Variants in LRP1B observed in about 807,000 individuals in gnomAD.
LRP1B encodes LDL receptor related protein 1B, also known as low-density lipoprotein receptor-related protein 1B.
In LRP1B, 217 loss-of-function variants were observed where a neutral mutation model predicts 556.6. The observed-to-expected ratio is 0.39, with a 90% CI of 0.35 to 0.44. The LOEUF (loss-of-function observed/expected upper bound fraction) is 0.44. Among genes scored for constraint, LRP1B ranks in the 20% least tolerant of loss-of-function variants. The pLI is 1.00. For missense variants in LRP1B, 5,053 were observed against 5,620.8 expected (o/e 0.90, Z 3.23); for synonymous variants, 2,047 against 1,865.8 (o/e 1.10, Z -2.50).
intron 41 of LRP1B, among the ~76,000 whole-genome samples, chr2:140,652,096 T>A (rs925452607): frequency 1.3e-5 from 2 of 152,020 alleles, no homozygotes; most frequent in African/African-American, 4.8e-5. Context: ...GGAAAAATGT[T>A]TTTAAAAAAG....
intron 2 of LRP1B, among the ~76,000 whole-genome samples, chr2:141,544,393 CCTCCTCCTCCTCCTCCTCCTT>C (rs879071566): frequency 0.014 from 577 of 41,398 alleles, 40 homozygotes; most frequent in Middle Eastern, 0.018. Flanking sequence ...TCCTCCTCCT[CCTCCTCCTCCTCCTCCTCCTT>C]CTCCTCCTTC....
chr2:141,041,807 A>G (rs1219432177), intron 11 of LRP1B, among the ~76,000 whole-genome samples: 2 of 90,926 alleles, frequency 2.2e-5, no homozygotes, highest in African/African-American at 7.9e-5. Context: ...TTTGATCATT[A>G]CATGTTATAT....
chr2:141,719,825 C>A (rs1692751358), intron 2 of LRP1B, among the ~76,000 whole-genome samples: 1 of 151,980 alleles, frequency 6.6e-6, no homozygotes, highest in South Asian at 2.1e-4. Context: ...TTCACTTATG[C>A]AAAGAGGGTA....
intron 3 of LRP1B, among the ~76,000 whole-genome samples, chr2:141,444,506 G>A (rs1268834680): frequency 1.3e-5 from 2 of 152,130 alleles, no homozygotes; most frequent in African/African-American, 4.8e-5. Context: ...TCTTGTGCTG[G>A]TTTTTAAAGG....
chr2:140,363,513 T>C (rs1348933707), intron 72 of LRP1B, among the ~76,000 whole-genome samples: 1 of 151,614 alleles, frequency 6.6e-6, no homozygotes, highest in Non-Finnish European at 1.5e-5. Flanking sequence ...TGGATTGATG[T>C]TGGTAGATAA....
intron 2 of LRP1B, among the ~76,000 whole-genome samples, chr2:141,594,394 G>A (rs1431262468): frequency 1.3e-5 from 2 of 151,984 alleles, no homozygotes; most frequent in Non-Finnish European, 2.9e-5. Context: ...TAATCTGCTT[G>A]GTAAATCAAA....
intron 7 of LRP1B, among the ~76,000 whole-genome samples, chr2:141,133,286 G>GTC (rs1238748308): frequency 4.1e-4 from 28 of 67,740 alleles, no homozygotes; most frequent in East Asian, 2.6e-3. Context: ...TACCTGTAAC[G>GTC]TCTCTTTTTT....
intron 67 of LRP1B, among the ~76,000 whole-genome samples, chr2:140,384,077 C>T (rs966098078): frequency 3.2e-4 from 49 of 152,252 alleles, no homozygotes; most frequent in African/African-American, 1.2e-3. Flanking sequence ...TCCTTCTTCT[C>T]CTGCTTTTCC....
chr2:142,090,619 A>G (rs1331414629), intron 1 of LRP1B, among the ~76,000 whole-genome samples: 1 of 152,128 alleles, frequency 6.6e-6, no homozygotes, highest in Non-Finnish European at 1.5e-5. Flanking sequence ...TTTTGAACTA[A>G]GTGTGTGAAT....
chr2:141,108,612 A>G (rs1406050839), intron 7 of LRP1B, among the ~76,000 whole-genome samples: 1 of 152,008 alleles, frequency 6.6e-6, no homozygotes, highest in Non-Finnish European at 1.5e-5. Flanking sequence ...AGCCTCCCAA[A>G]GTGCTGGGAT....
chr2:140,678,791 G>A (rs551856059), intron 41 of LRP1B, among the ~76,000 whole-genome samples: 1 of 123,204 alleles, frequency 8.1e-6, no homozygotes, highest in Non-Finnish European at 1.7e-5. Flanking sequence ...TTTTTTGGTT[G>A]GGGGGGAATG....
chr2:140,329,339 C>A (rs1035289279), intron 79 of LRP1B, among the ~76,000 whole-genome samples: 3 of 152,066 alleles, frequency 2.0e-5, no homozygotes, highest in Non-Finnish European at 2.9e-5. Context: ...CTGGCACAGA[C>A]AAAGATGCCC....
At chr2:141,647,434 A>G (rs1291414113) in intron 2 of LRP1B, among the ~76,000 whole-genome samples, 10 of 152,128 alleles carry the variant, frequency 6.6e-5, no homozygotes, top group Admixed American at 2.6e-4. Flanking sequence ...CCACAGTTTA[A>G]GGGCTTCCTT....
At chr2:140,322,913 A>AAAAAG (rs1680229060) in intron 81 of LRP1B, among the ~76,000 whole-genome samples, 1 of 113,218 alleles carries the variant, frequency 8.8e-6, no homozygotes, top group African/African-American at 3.7e-5. Context: ...TATGAATATA[A>AAAAAG]AAAAGAACTG....
intron 7 of LRP1B, among the ~76,000 whole-genome samples, chr2:141,096,283 C>T (rs192936335): frequency 6.6e-6 from 1 of 152,120 alleles, no homozygotes; most frequent in African/African-American, 2.4e-5. Flanking sequence ...CTTTCAAAAA[C>T]CTTTTATTAA....
chr2:140,411,547 G>C (rs1013355374), intron 66 of LRP1B, among the ~76,000 whole-genome samples: 30 of 151,988 alleles, frequency 2.0e-4, no homozygotes, highest in African/African-American at 7.0e-4. Flanking sequence ...TTAAGATTTA[G>C]AAATAGCCAC....
intron 3 of LRP1B, among the ~76,000 whole-genome samples, chr2:141,390,371 G>A (rs1373293640): frequency 6.6e-6 from 1 of 152,120 alleles, no homozygotes; most frequent in Non-Finnish European, 1.5e-5. Context: ...GTTTCACCTG[G>A]AGTAAAAAAC....
chr2:140,917,015 C>T (rs1320302044), intron 21 of LRP1B, among the ~76,000 whole-genome samples: 2 of 152,114 alleles, frequency 1.3e-5, no homozygotes, highest in African/African-American at 2.4e-5. Flanking sequence ...ACCTAAGTGT[C>T]CTATTCTGGC....
At chr2:140,886,987 G>A (rs1486809447) in intron 23 of LRP1B, among the ~76,000 whole-genome samples, 1 of 152,064 alleles carries the variant, frequency 6.6e-6, no homozygotes, top group Non-Finnish European at 1.5e-5. Context: ...ATTATTTTTT[G>A]TGCTTAAAAG....
Sources: gnomAD v4.1 joint callset for allele counts (sites outside exome capture counted in the v4.1 genomes callset) on GRCh38, gnomAD v4.1.1 for gene constraint, MANE v1.5 for transcripts, NCBI Gene and HGNC (gene_info 2026-07-23, HGNC 2026-07-21) for gene names.